FAT3: variants seen among roughly 807,000 people sequenced by gnomAD.
The protein encoded by FAT3 is FAT atypical cadherin 3.
FAT3 carries 95 observed loss-of-function variants against 310.2 expected under a neutral mutation model. The ratio of observed to expected loss-of-function variants is 0.31; its 90% CI spans 0.26 to 0.36. The LOEUF (loss-of-function observed/expected upper bound fraction) is 0.36, where lower values mean the gene tolerates loss of function less well. Ranked by LOEUF, FAT3 falls within the 10% of genes least tolerant of loss-of-function variation. The pLI is 1.00. For missense variants in FAT3, 5,408 were observed against 5,715.6 expected, an observed-to-expected ratio of 0.95 and a Z score of 1.74; for synonymous variants, 2,314 against 2,192.9, an observed-to-expected ratio of 1.06 and a Z score of -1.54.
chr11:92,544,814 G>C (rs1011201090), intron 3 of FAT3, among the ~76,000 whole-genome samples: 1 of 152,174 alleles, frequency 6.6e-6, no homozygotes, highest in South Asian at 2.1e-4. Context: ...AGAGGGAACA[G>C]CCTTTCCTAT....
In FAT3 at chr11:92,640,935, G is replaced by A. The variant is rs557649185; in HGVS notation, c.3608-56449G>A. Among the ~76,000 whole-genome samples the A allele has an allele frequency of 2.4e-3, 364 of 152,212 alleles. 3 individuals carry two copies. The highest frequency in any genetic ancestry group is 0.019 in the South Asian group (89 of 4,810). ...AAAAACAGTGTTCTGGTCTGGGCAT[G>A]GTGGCTCACACCTGCAATCCCAGCA... On this transcript the variant is annotated intron_variant, in intron 3 of 27. Coordinates refer to ENST00000525166, the MANE Select transcript of FAT3 (RefSeq NM_001367949.2).
chr11:92,862,823 C>T (rs1949153086), intron 21 of FAT3, among the ~76,000 whole-genome samples: 1 of 152,164 alleles, frequency 6.6e-6, no homozygotes, highest in South Asian at 2.1e-4. Flanking sequence ...ATTCCCCTTG[C>T]ATGTAGGTAT....
chr11:92,351,978 G>A (rs1303890173), intron 1 of FAT3, 118 bp from the exon 2 acceptor site: 1 of 607,450 alleles, frequency 1.6e-6, no homozygotes, highest in Non-Finnish European at 2.2e-6. Flanking sequence ...TGCTGTTTTA[G>A]TAAAAAGATT....
chr11:92,702,210 A>G (rs574813350), intron 4 of FAT3, among the ~76,000 whole-genome samples: 1 of 152,276 alleles, frequency 6.6e-6, no homozygotes, highest in South Asian at 2.1e-4. Flanking sequence ...AATGGTAGCC[A>G]TGGTCAGCAT....
At chr11:92,804,395 T>G (rs1947445707) in intron 10 of FAT3, among the ~76,000 whole-genome samples, 1 of 152,096 alleles carries the variant, frequency 6.6e-6, no homozygotes, top group Non-Finnish European at 1.5e-5. Flanking sequence ...CCTCCTCCTA[T>G]CTTGTTCCCC....
intron 2 of FAT3, among the ~76,000 whole-genome samples, chr11:92,439,996 G>GAGAT (rs1468176949): frequency 6.6e-6 from 1 of 152,046 alleles, no homozygotes; most frequent in East Asian, 1.9e-4. Context: ...TGCTATTAAA[G>GAGAT]AGATACACAA....
At chr11:92,544,805 G>A (rs1256137324) in intron 3 of FAT3, among the ~76,000 whole-genome samples, 1 of 152,180 alleles carries the variant, frequency 6.6e-6, no homozygotes, top group African/African-American at 2.4e-5. Context: ...TCCTGGTTGA[G>A]AGGGAACAGC....
At chr11:92,373,760 GCACACACACACACACACACACACA>G (rs57651290) in intron 2 of FAT3, among the ~76,000 whole-genome samples, 5,075 of 130,068 alleles carry the variant, frequency 0.039, 333 homozygotes, top group African/African-American at 0.13. Context: ...AGATATGTAT[GCACACACACACACACACACACACA>G]CACACACACA....
intron 2 of FAT3, among the ~76,000 whole-genome samples, chr11:92,478,262 T>C (rs1952100810): frequency 1.3e-5 from 2 of 152,344 alleles, no homozygotes; most frequent in South Asian, 4.1e-4. Flanking sequence ...TTGAATTTAA[T>C]CTTACTACGG....
chr11:92,801,156 T>C lies in FAT3; in HGVS notation c.8143T>C (p.Phe2715Leu). 6 of 1,613,942 alleles carry C rather than the reference T, an allele frequency of 3.7e-6. No homozygotes were observed. In the South Asian group the frequency reaches 5.5e-5, roughly 15 times the overall value. Residue 2715 changes from phenylalanine to leucine, a missense_variant, in exon 10 of 28, where the codon TTT becomes CTT. By Grantham distance (22) the Phe-to-Leu change is conservative. Around this residue, in one of 5 missense-constraint regions of FAT3, gnomAD observed 4,588 missense variants for 4,809.8 expected, o/e 0.95. Coordinates refer to ENST00000525166, the MANE Select transcript of FAT3 (RefSeq NM_001367949.2). The part of the protein sequence containing the change: ...LPSFTQSQYS[F>L]TIAEDTAIGS... ...ATCATTCACCCAGTCTCAGTATTCC[T>C]TTACCATTGCAGAAGATACAGCCAT...
At chr11:92,439,796 G>C (rs1334264969) in intron 2 of FAT3, among the ~76,000 whole-genome samples, 2 of 152,074 alleles carry the variant, frequency 1.3e-5, no homozygotes, top group Non-Finnish European at 2.9e-5. Context: ...TGTGCCTGTG[G>C]TTCTAGCTAT....
chr11:92,818,144 G>A (rs772000268), intron 13 of FAT3, among the ~76,000 whole-genome samples: 2 of 152,182 alleles, frequency 1.3e-5, no homozygotes, highest in Non-Finnish European at 2.9e-5. Flanking sequence ...CTCTGTGATG[G>A]TGTTTGATGT....
chr11:92,763,761 G>T (rs1311241203), intron 5 of FAT3, among the ~76,000 whole-genome samples: 1 of 152,032 alleles, frequency 6.6e-6, no homozygotes, highest in Non-Finnish European at 1.5e-5. Flanking sequence ...TGCCCACCCT[G>T]ATCTCTATTC....
chr11:92,522,374 C>T (rs1268903411), intron 2 of FAT3, among the ~76,000 whole-genome samples: 1 of 152,140 alleles, frequency 6.6e-6, no homozygotes, highest in African/African-American at 2.4e-5. Context: ...ACCCTCAGAG[C>T]CCTCCTTCTC....
chr11:92,269,227 G>A (rs1375059294), intron 1 of FAT3, among the ~76,000 whole-genome samples: 1 of 152,082 alleles, frequency 6.6e-6, no homozygotes, highest in African/African-American at 2.4e-5. Context: ...TTCCAGAAAT[G>A]CCATAGAAGC....
chr11:92,752,954 G>A (rs1250733324), intron 4 of FAT3, among the ~76,000 whole-genome samples: 1 of 152,190 alleles, frequency 6.6e-6, no homozygotes, highest in Non-Finnish European at 1.5e-5. Context: ...TCATCTGAGA[G>A]ATAATTATAC....
intron 2 of FAT3, among the ~76,000 whole-genome samples, chr11:92,373,229 C>G (rs1949243725): frequency 1.3e-5 from 2 of 152,160 alleles, no homozygotes; most frequent in Admixed American, 1.3e-4. Flanking sequence ...ATGCTATCTG[C>G]TAGATACTCT....
intron 1 of FAT3, among the ~76,000 whole-genome samples, chr11:92,339,691 G>A (rs1948190756): frequency 6.6e-6 from 1 of 152,090 alleles, no homozygotes; most frequent in Admixed American, 6.6e-5. Flanking sequence ...TTTTATAATG[G>A]GAAATCAGGG....
chr11:92,245,865 T>C (rs1039434467), intron 1 of FAT3, among the ~76,000 whole-genome samples: 6 of 152,062 alleles, frequency 3.9e-5, no homozygotes, highest in Non-Finnish European at 8.8e-5. Flanking sequence ...GTTTAAGAAA[T>C]GGGCAGAGGA....
Sources: gnomAD v4.1 joint callset for allele counts (sites outside exome capture counted in the v4.1 genomes callset) on GRCh38, gnomAD v4.1.1 for gene constraint, gnomAD v4.1.1 regional missense constraint, MANE v1.5 for transcripts, NCBI Gene and HGNC (gene_info 2026-07-23, HGNC 2026-07-21) for gene names.